The following SMYD3 variants were observed in gnomAD, a reference collection of about 807,000 sequenced individuals.
SMYD3 encodes histone-lysine N-methyltransferase SMYD3.
In SMYD3, 36 loss-of-function variants were observed where a neutral mutation model predicts 57.7. That is an observed-to-expected ratio of 0.62 (90% CI 0.48 to 0.82). The LOEUF (loss-of-function observed/expected upper bound fraction) is 0.82. Ranked by LOEUF, SMYD3 falls within the 40% of genes least tolerant of loss-of-function variation. SMYD3 has a pLI of 0.00. For synonymous variants in SMYD3, 211 were observed against 195.0 expected, an observed-to-expected ratio of 1.08 and a Z score of -0.68; for missense variants, 515 against 538.8, an observed-to-expected ratio of 0.96 and a Z score of 0.44.
At chr1:245,822,314 G>A (rs1300453433) in intron 10 of SMYD3, among the ~76,000 whole-genome samples, 4 of 145,852 alleles carry the variant, frequency 2.7e-5, no homozygotes, top group Non-Finnish European at 4.5e-5. Context: ...ACCAAACACC[G>A]CATATTCTCA....
At chr1:246,174,144 C>T (rs571962120) in intron 5 of SMYD3, among the ~76,000 whole-genome samples, 156 of 152,018 alleles carry the variant, frequency 1.0e-3, no homozygotes, top group Non-Finnish European at 1.9e-3. Context: ...AAGGAGTGTG[C>T]TCTAAGGATA....
intron 5 of SMYD3, among the ~76,000 whole-genome samples, chr1:245,984,901 AT>A (rs1164910781): frequency 5.3e-5 from 8 of 152,110 alleles, no homozygotes; most frequent in Admixed American, 6.5e-5. Flanking sequence ...CACCACTTCC[AT>A]CCGACTTCTC....
chr1:245,852,073 C>T (rs768701360), intron 10 of SMYD3, among the ~76,000 whole-genome samples: 1 of 152,200 alleles, frequency 6.6e-6, no homozygotes, highest in Non-Finnish European at 1.5e-5. Flanking sequence ...TGTGAAGCTG[C>T]CAGATCACCT....
rs2065902473 is a variant in SMYD3 at position 246,355,767 on chromosome 1, C to T, written c.165-673G>A. 6.6e-6 allele frequency among the ~76,000 whole-genome samples: 1 copy of T among 152,090 alleles called. No individual in the cohort carries two copies. The highest frequency in any genetic ancestry group is 2.4e-5 in the African/African-American group (1 of 41,420). The stretch of plus-strand genomic sequence containing the variant: ...CTCCATTAGACTGAAAACCACATCC[C>T]CATCCCAACAGCAGCCGCAGCAATC... On this transcript the variant is annotated intron_variant, in intron 1 of 11. Coordinates refer to ENST00000490107, the MANE Select transcript of SMYD3 (RefSeq NM_001167740.2). The surrounding 1 kb of genome is among the most constrained non-coding windows in gnomAD (Gnocchi z 5.0).
At chr1:246,250,383 T>C (rs1241149315) in intron 5 of SMYD3, among the ~76,000 whole-genome samples, 1 of 152,182 alleles carries the variant, frequency 6.6e-6, no homozygotes, top group Admixed American at 6.5e-5. Context: ...ATTTTTCACA[T>C]AAACTAGGTG....
chr1:245,914,308 G>A (rs921126496), intron 8 of SMYD3, among the ~76,000 whole-genome samples: 1 of 152,140 alleles, frequency 6.6e-6, no homozygotes, highest in Admixed American at 6.5e-5. Flanking sequence ...ATATCCAAGG[G>A]ATACCTGCAG....
intron 5 of SMYD3, among the ~76,000 whole-genome samples, chr1:246,296,427 T>G (rs1001760179): frequency 5.9e-5 from 9 of 152,188 alleles, no homozygotes; most frequent in Non-Finnish European, 1.0e-4. Context: ...GACAATAAAT[T>G]GGCTTCACAA....
At chr1:246,236,941 G>A (rs1339634858) in intron 5 of SMYD3, among the ~76,000 whole-genome samples, 1 of 152,162 alleles carries the variant, frequency 6.6e-6, no homozygotes, top group African/African-American at 2.4e-5. Flanking sequence ...CGGGCTCACT[G>A]TTTCTCCATT....
intron 5 of SMYD3, among the ~76,000 whole-genome samples, chr1:246,243,719 C>A (rs190186138): frequency 6.6e-6 from 1 of 151,874 alleles, no homozygotes; most frequent in African/African-American, 2.4e-5. Flanking sequence ...GTTATGAAAT[C>A]ATTCTAATTC....
chr1:246,034,756 T>C (rs61839458), intron 5 of SMYD3: 26,353 of 152,338 alleles, frequency 0.17, 2,788 homozygotes, highest in East Asian at 0.39. Context: ...CGTGAAGAAC[T>C]GATGGCAGAC....
intron 5 of SMYD3, among the ~76,000 whole-genome samples, chr1:246,116,765 C>T (rs961989758): frequency 6.6e-6 from 1 of 152,152 alleles, no homozygotes; most frequent in African/African-American, 2.4e-5. Flanking sequence ...AATAGTATTG[C>T]TTTAATTAAT....
intron 10 of SMYD3, among the ~76,000 whole-genome samples, chr1:245,794,178 A>C (rs1220950018): frequency 6.6e-6 from 1 of 152,224 alleles, no homozygotes; most frequent in Non-Finnish European, 1.5e-5. Context: ...CTATTTTCTG[A>C]CATTTCAGCA....
At chr1:245,967,070 C>T (rs577632813) in intron 5 of SMYD3, among the ~76,000 whole-genome samples, 1 of 152,086 alleles carries the variant, frequency 6.6e-6, no homozygotes, top group Non-Finnish European at 1.5e-5. Flanking sequence ...CTTTTGATTC[C>T]ATCAAAAGTA....
At chr1:245,859,465 T>C (rs1003258878) in intron 9 of SMYD3, among the ~76,000 whole-genome samples, 1 of 152,218 alleles carries the variant, frequency 6.6e-6, no homozygotes, top group African/African-American at 2.4e-5. Context: ...TCATGTAGCC[T>C]TGGAGTGACT....
chr1:245,953,931 T>C (rs538860807), intron 5 of SMYD3, among the ~76,000 whole-genome samples: 1 of 152,336 alleles, frequency 6.6e-6, no homozygotes, highest in Non-Finnish European at 1.5e-5. Flanking sequence ...CAGCAAGATT[T>C]TCAACAATGA....
chr1:245,882,145 C>A (rs573219502), intron 8 of SMYD3, among the ~76,000 whole-genome samples: 1 of 152,274 alleles, frequency 6.6e-6, no homozygotes, highest in South Asian at 2.1e-4. Context: ...GTAGTGTAAA[C>A]AACAGAGAAG....
At chr1:246,307,413 C>CTTT (rs869254416) in intron 5 of SMYD3, among the ~76,000 whole-genome samples, 254 of 96,070 alleles carry the variant, frequency 2.6e-3, no homozygotes, top group Middle Eastern at 7.9e-3. Flanking sequence ...TTAGGGGATT[C>CTTT]TTTTTTTTTT....
intron 5 of SMYD3, among the ~76,000 whole-genome samples, chr1:246,079,367 T>A (rs370968103): frequency 6.6e-6 from 1 of 152,264 alleles, no homozygotes. Context: ...AAAAGAACTC[T>A]GACTCTACTT....
Position 245,871,104 on chromosome 1 carries a change from C to A in SMYD3, c.814-7218G>T, listed in dbSNP as rs527314009. Reference sequence around the variant, plus strand: ...ACACTTACAAACTTTTCCAGTAATTCAATAATTCATGTCTTAAACGGAAGA... The same window carrying A: ...ACACTTACAAACTTTTCCAGTAATTAAATAATTCATGTCTTAAACGGAAGA... On this transcript the variant is annotated intron_variant, in intron 8 of 11. Coordinates refer to ENST00000490107, the MANE Select transcript of SMYD3 (RefSeq NM_001167740.2). Among the ~76,000 whole-genome samples the A allele has an allele frequency of 2.0e-5, 3 of 152,178 alleles. No homozygotes were observed. The East Asian group carries it at 5.8e-4, about 29-fold the overall frequency.
Sources: allele counts gnomAD v4.1 joint callset (sites outside exome capture counted in the v4.1 genomes callset), GRCh38; gene constraint gnomAD v4.1.1; non-coding constraint Gnocchi (gnomAD v3.1); transcripts MANE v1.5; gene names NCBI Gene and HGNC (gene_info 2026-07-23, HGNC 2026-07-21).